Variants in NWD2 observed in about 807,000 individuals in gnomAD.
NWD2 encodes NACHT and WD repeat domain-containing protein 2.
Under a neutral mutation model 132.7 loss-of-function variants are expected in NWD2, and 37 were observed. The observed-to-expected ratio is 0.28, with a 90% confidence interval of 0.21 to 0.37. The LOEUF (loss-of-function observed/expected upper bound fraction) is 0.37. Among genes scored for constraint, NWD2 ranks in the 10% least tolerant of loss-of-function variants. The pLI is 1.00. For synonymous variants in NWD2, 705 were observed against 803.0 expected (o/e 0.88, Z 2.06); for missense variants, 1,592 against 2,122.4 (o/e 0.75, Z 4.91).
chr4:37,307,223 AGT>A (rs1255034890), intron 1 of NWD2, among the ~76,000 whole-genome samples: 5 of 151,230 alleles, frequency 3.3e-5, no homozygotes, highest in African/African-American at 1.2e-4. Flanking sequence ...CTGCTCTACC[AGT>A]GTGTTTTATT....
intron 3 of NWD2, among the ~76,000 whole-genome samples, chr4:37,357,522 C>T (rs990372633): frequency 3.9e-5 from 6 of 152,124 alleles, no homozygotes; most frequent in African/African-American, 1.2e-4. Flanking sequence ...TCACTAACTG[C>T]CTGAGTGCTA....
intron 1 of NWD2, among the ~76,000 whole-genome samples, chr4:37,322,375 G>A (rs1345967788): frequency 2.0e-5 from 3 of 152,136 alleles, no homozygotes; most frequent in South Asian, 2.1e-4. Flanking sequence ...TTAAAGCTGC[G>A]AGTTGAATAA....
At chr4:37,246,391 G>A (rs1462049927) in intron 1 of NWD2, among the ~76,000 whole-genome samples, 1 of 152,134 alleles carries the variant, frequency 6.6e-6, no homozygotes, top group Non-Finnish European at 1.5e-5. Context: ...AAGGAGTTGG[G>A]GAGAGAATCA....
intron 3 of NWD2, among the ~76,000 whole-genome samples, chr4:37,408,181 C>T (rs1453564054): frequency 6.6e-6 from 1 of 152,138 alleles, no homozygotes; most frequent in South Asian, 2.1e-4. Context: ...AAGACAAAAC[C>T]GATAACCTCC....
At chr4:37,389,339 T>C (rs1212576317) in intron 3 of NWD2, among the ~76,000 whole-genome samples, 1 of 147,964 alleles carries the variant, frequency 6.8e-6, no homozygotes, top group East Asian at 1.9e-4. Context: ...TCCAATCTTC[T>C]CCTCTTTTGT....
At position 37,448,403 on chromosome 4, in the gene NWD2, T is replaced by C. The variant is rs1712700320; in HGVS notation, c.*1186T>C. 6.6e-6 allele frequency: 1 copy of C among 152,238 alleles called. No homozygotes were observed. Among genetic ancestry groups the C allele is most frequent in the Non-Finnish European group, 1.5e-5 (1 of 68,036 alleles). The allele number at this position is 152,238 out of a possible 1,614,324, so 9.4% of individuals were successfully genotyped here. ...CTTCTTTATCTGTTACTCTTCCTGA[T>C]TGAGGACTCTTCTGAGCCTTTTATA... On this transcript the variant is annotated 3_prime_UTR_variant, in exon 7 of 7. Transcript: ENST00000309447.
chr4:37,378,127 A>G (rs572257385), intron 3 of NWD2, among the ~76,000 whole-genome samples: 25 of 152,328 alleles, frequency 1.6e-4, no homozygotes, highest in Non-Finnish European at 3.1e-4. Context: ...AAAATATTCT[A>G]TGGTTCTCTA....
intron 3 of NWD2, among the ~76,000 whole-genome samples, chr4:37,361,581 C>G (rs1276632811): frequency 6.6e-6 from 1 of 152,028 alleles, no homozygotes; most frequent in African/African-American, 2.4e-5. Context: ...AGTTAAAAAC[C>G]ATATGATCAT....
rs10020438 is a variant in NWD2 at position 37,266,643 on chromosome 4, A to G, written c.151+21425A>G. 5.4e-3 allele frequency among the ~76,000 whole-genome samples: 825 copies of G among 152,172 alleles called. 3 individuals are homozygous for G. Among genetic ancestry groups the G allele is most frequent in the African/African-American group, 0.019 (786 of 41,532 alleles). On this transcript the variant is annotated intron_variant, in intron 1 of 6. Coordinates refer to ENST00000309447, the MANE Select transcript of NWD2 (RefSeq NM_001144990.2). Reference sequence around the variant, plus strand: ...GGAAAATAATCTTTTAACAGGAAGGAATTATTTACTGTCGCTACCAACTTA... The same window carrying G: ...GGAAAATAATCTTTTAACAGGAAGGGATTATTTACTGTCGCTACCAACTTA...
intron 1 of NWD2, among the ~76,000 whole-genome samples, chr4:37,321,991 C>G (rs990654091): frequency 6.6e-6 from 1 of 152,162 alleles, no homozygotes; most frequent in Non-Finnish European, 1.5e-5. Context: ...CTAAATACCA[C>G]CGTTTCCCGA....
At position 37,413,264 on chromosome 4, in the gene NWD2, C is replaced by G. The variant is rs187299469; in HGVS notation, c.358-17308C>G. On this transcript the variant is annotated intron_variant, in intron 3 of 6. Transcript: ENST00000309447. ...ATCCAGAATCTACAAAGAACTTAAA[C>G]AAATGTACAAGAAAAAAGCAAACAA... Among the ~76,000 whole-genome samples the G allele has an allele frequency of 4.4e-3, 672 of 152,234 alleles. 4 individuals are homozygous for G. The highest frequency in any genetic ancestry group is 0.015 in the African/African-American group (634 of 41,544).
In NWD2 at chr4:37,245,156, T is replaced by C. The variant is rs1381273248; in HGVS notation, c.89T>C (p.Leu30Pro). 6.5e-7 allele frequency: 1 copy of C among 1,547,260 alleles called. No homozygotes were observed. The highest frequency in any genetic ancestry group is 2.0e-5 in the Admixed American group (1 of 50,952). Residue 30 changes from leucine (L) to proline (P), a missense_variant, in exon 1 of 7, where the codon CTG (leucine) becomes CCG (proline). Leu to Pro is a moderately conservative substitution (Grantham distance 98). This residue lies in a region of NWD2 where 88 missense variants were observed against 92.8 expected (regional missense o/e 0.95). Coordinates refer to ENST00000309447, the MANE Select transcript of NWD2 (RefSeq NM_001144990.2). The part of the protein sequence containing the change: ...RAAFSGNLTA[L>P]PSHLVPAGRS... Reference sequence around the variant, plus strand: ...GCTTTCTCTGGGAACCTCACGGCCCTGCCCTCTCACCTCGTGCCCGCCGGC... The same window carrying C: ...GCTTTCTCTGGGAACCTCACGGCCCCGCCCTCTCACCTCGTGCCCGCCGGC...
At chr4:37,424,975 A>G (rs1327718749) in intron 3 of NWD2, among the ~76,000 whole-genome samples, 1 of 152,128 alleles carries the variant, frequency 6.6e-6, no homozygotes, top group African/African-American at 2.4e-5. Context: ...AATGGAAAAG[A>G]AAAAAAATCA....
At chr4:37,338,449 ATAAAGTTCCTTGAAAAC>A (rs1488138023) in intron 2 of NWD2, among the ~76,000 whole-genome samples, 5 of 152,376 alleles carry the variant, frequency 3.3e-5, no homozygotes, top group African/African-American at 1.2e-4. Context: ...TGAGCACAAA[ATAAAGTTCCTTGAAAAC>A]TAAAGTTCCT....
At chr4:37,348,673 T>TACACACACAC (rs1326646007) in intron 2 of NWD2, among the ~76,000 whole-genome samples, 3 of 28,204 alleles carry the variant, frequency 1.1e-4, no homozygotes, top group African/African-American at 4.2e-4. Flanking sequence ...TATATATATA[T>TACACACACAC]ATACACACAC....
chr4:37,273,938 G>C (rs1717932509), intron 1 of NWD2, among the ~76,000 whole-genome samples: 1 of 152,048 alleles, frequency 6.6e-6, no homozygotes. Flanking sequence ...GCAGTGTGTA[G>C]AGGGAAATTT....
intron 3 of NWD2, among the ~76,000 whole-genome samples, chr4:37,402,605 T>C (rs1218709767): frequency 1.3e-5 from 2 of 152,206 alleles, no homozygotes. Flanking sequence ...TATCTATTGG[T>C]GAATTGAATT....
intron 1 of NWD2, among the ~76,000 whole-genome samples, chr4:37,289,272 T>C (rs1718309575): frequency 6.6e-6 from 1 of 152,194 alleles, no homozygotes; most frequent in Non-Finnish European, 1.5e-5. Context: ...ATTGGAAATT[T>C]TCATATAATT....
At chr4:37,362,622 GAGA>G (rs1238527271) in intron 3 of NWD2, among the ~76,000 whole-genome samples, 6 of 151,538 alleles carry the variant, frequency 4.0e-5, no homozygotes, top group Non-Finnish European at 5.9e-5. Flanking sequence ...CCATATGGAG[GAGA>G]ATGAAATTGG....
Sources: allele counts gnomAD v4.1 joint callset (sites outside exome capture counted in the v4.1 genomes callset), GRCh38; gene constraint gnomAD v4.1.1; regional missense constraint gnomAD v4.1.1; transcripts MANE v1.5; gene names NCBI Gene and HGNC (gene_info 2026-07-23, HGNC 2026-07-21).